CDH15: variants seen among roughly 807,000 people sequenced by gnomAD.
The protein encoded by CDH15 is cadherin-15.
A neutral mutation model predicts 69.4 loss-of-function variants in CDH15; 73 were observed. The observed-to-expected ratio is 1.05, with a 90% CI of 0.87 to 1.28. The LOEUF is 1.28. CDH15 is among the 50% of genes most tolerant of loss of function. The pLI is 0.00. For missense variants in CDH15, 1,343 were observed against 1,133.6 expected (o/e 1.18, Z -2.65); for synonymous variants, 624 against 507.7 (o/e 1.23, Z -3.08).
At chr16:89,184,550 G>A (rs929432515) in intron 4 of CDH15, among the ~76,000 whole-genome samples, 1 of 152,220 alleles carries the variant, frequency 6.6e-6, no homozygotes, top group Admixed American at 6.5e-5. Flanking sequence ...CAGTCACAGT[G>A]CGCGTCCTCT....
In CDH15 at chr16:89,187,465, G is replaced by T; in HGVS notation, c.700G>T (p.Asp234Tyr). 6.2e-7 allele frequency: 1 copy of T among 1,613,500 alleles called. No individual in the cohort carries two copies. The highest frequency in any genetic ancestry group is 8.5e-7 in the Non-Finnish European group (1 of 1,180,028). Residue 234 changes from aspartate to tyrosine, a missense_variant, in exon 6 of 14, where the codon GAC becomes TAC. Transcript: ENST00000289746. ...GTACAATCTGACCCTGCAGGTGGCG[G>T]ACATGTCTGGAGACGGCCTCACAGC... Reference protein sequence around the residue: ...AVYNLTLQVADMSGDGLTATA... With the variant: ...AVYNLTLQVAYMSGDGLTATA...
intron 3 of CDH15, 155 bp from the exon 4 acceptor site, chr16:89,183,393 G>C (rs1915417701): frequency 1.2e-6 from 1 of 820,784 alleles, no homozygotes; most frequent in Non-Finnish European, 1.9e-6. Flanking sequence ...CAGTCACTGT[G>C]ACAGATGCCC....
intron 5 of CDH15, chr16:89,185,747 G>A: frequency 3.3e-6 from 1 of 299,002 alleles, no homozygotes. Flanking sequence ...TGGTTACACT[G>A]TTACGTGGTC....
chr16:89,172,678 G>A (rs182835605), intron 1 of CDH15, among the ~76,000 whole-genome samples: 28 of 152,336 alleles, frequency 1.8e-4, no homozygotes, highest in African/African-American at 5.5e-4. Flanking sequence ...CATGGGTACT[G>A]CCTAGCTGGA....
rs1233981020 is a variant in CDH15 at position 89,171,777 on chromosome 16, G to A, written c.-55G>A. 1.3e-6 allele frequency: 2 copies of A among 1,527,406 alleles called. No homozygotes were observed. The highest frequency in any genetic ancestry group is 8.8e-7 in the Non-Finnish European group (1 of 1,136,096). 94.6% of individuals were successfully genotyped at this position (1,527,406 alleles called of 1,614,324 possible). ...CGCACTTGCGCTGTCACTCAGCCTG[G>A]ACGCGCTTCTTCGGGTCGCGGGTGC... On this transcript the variant is annotated 5_prime_UTR_variant, in exon 1 of 14. Transcript: ENST00000289746.
chr16:89,191,673 C>T lies in CDH15; in HGVS notation c.1394C>T (p.Ala465Val), dbSNP rs1455227469. The stretch of plus-strand genomic sequence containing the variant: ...CCTGCAGCCTCCCAGCCCCGCACCG[C>T]CACCGGCACCCTGTCCATCGAGATC... Reference protein sequence around the residue: ...AQDDASQPRTATGTLSIEILE... With the variant: ...AQDDASQPRTVTGTLSIEILE... Residue 465 changes from alanine (A) to valine (V), a missense_variant, in exon 10 of 14, where the codon GCC becomes GTC. By Grantham distance (64) the Ala-to-Val change is moderately conservative. Transcript: ENST00000289746. 2 of 1,595,554 alleles carry T rather than the reference C, an allele frequency of 1.3e-6. No individual in the cohort carries two copies. Among genetic ancestry groups the T allele is most frequent in the Non-Finnish European group, 1.7e-6 (2 of 1,175,770 alleles).
intron 1 of CDH15, among the ~76,000 whole-genome samples, chr16:89,176,556 G>A (rs1399673261): frequency 1.3e-5 from 2 of 152,216 alleles, no homozygotes; most frequent in African/African-American, 4.8e-5. Flanking sequence ...CTCGCACAAT[G>A]TGGGGAGCTG....
At chr16:89,188,639 T>C (rs142355533) in intron 7 of CDH15, among the ~76,000 whole-genome samples, 796 of 26,584 alleles carry the variant, frequency 0.03, 26 homozygotes, top group East Asian at 0.23. Context: ...CAGATGCCCA[T>C]GCACAGATGC....
In CDH15 at chr16:89,192,448, A is replaced by T; in HGVS notation, c.1855+4A>T. ...GCCAGCGCCCTCCTGCTGCTGGGTG[A>T]GTGAGCGCCCCGCCTCCACCTGGAC... On this transcript the variant is annotated splice_donor_region_variant and intron_variant, in intron 11 of 13. Transcript: ENST00000289746. The T allele has an allele frequency of 6.4e-7, 1 of 1,561,744 alleles. No individual in the cohort carries two copies. The highest frequency in any genetic ancestry group is 1.8e-5 in the Admixed American group (1 of 55,316).
chr16:89,180,747 G>T (rs1265176976), intron 3 of CDH15, among the ~76,000 whole-genome samples: 1 of 152,036 alleles, frequency 6.6e-6, no homozygotes, highest in African/African-American at 2.4e-5. Context: ...TTTTTGAGAT[G>T]GAGTCTCGCT....
At chr16:89,184,566 G>A (rs1257452194) in intron 4 of CDH15, among the ~76,000 whole-genome samples, 2 of 152,218 alleles carry the variant, frequency 1.3e-5, no homozygotes, top group Non-Finnish European at 2.9e-5. Flanking sequence ...CCTCTGCTCG[G>A]CTGTCGTGTG....
intron 11 of CDH15, 84 bp from the exon 12 acceptor site, chr16:89,193,386 C>T: frequency 9.4e-7 from 1 of 1,064,096 alleles, no homozygotes. Flanking sequence ...CCCGCCCCGC[C>T]CCCTCCTCCC....
rs375101546 is a variant in CDH15 at position 89,191,916 on chromosome 16, G to T, written c.1615+22G>T. On this transcript the variant is annotated intron_variant, in intron 10 of 13. Coordinates refer to ENST00000289746, the MANE Select transcript of CDH15 (RefSeq NM_004933.3). Reference sequence around the variant, plus strand: ...AACGGTGCGCTCCCCTCACCGCCGCGCTCCCCCCATCCCCACGCTCCCCCC... The same window carrying T: ...AACGGTGCGCTCCCCTCACCGCCGCTCTCCCCCCATCCCCACGCTCCCCCC... 106 of 1,530,832 alleles carry T rather than the reference G, an allele frequency of 6.9e-5. 1 individual carries two copies. In the African/African-American group the frequency reaches 1.3e-3, roughly 18 times the overall value. 94.8% of individuals were successfully genotyped at this position (1,530,832 alleles called of 1,614,324 possible). A position where few individuals can be genotyped will look rare whatever the true frequency, so the allele number is the denominator to read the frequency against.
In CDH15 at chr16:89,187,516, G is replaced by A; in HGVS notation, c.751G>A (p.Asp251Asn). ...TATASAIITL[D>N]DINDNAPEFT... is the part of the protein sequence containing the mutation. ...CACTGCCTCAGCCATCATCACCCTT[G>A]ATGACATCAATGACAATGCCCCCGA... Residue 251 changes from aspartate (D) to asparagine (N), a missense_variant, in exon 6 of 14, where the codon GAT becomes AAT. Asp to Asn is a conservative substitution (Grantham distance 23, BLOSUM62 1). Coordinates refer to ENST00000289746, the MANE Select transcript of CDH15 (RefSeq NM_004933.3). The A allele has an allele frequency of 3.7e-6, 6 of 1,613,748 alleles. No homozygotes were observed. In the South Asian group the frequency reaches 6.6e-5, roughly 18 times the overall value.
At position 89,194,927 on chromosome 16, in the gene CDH15, C is replaced by T. The variant is rs752856644; in HGVS notation, c.2217C>T (p.Tyr739=). Residue 739 remains tyrosine, a synonymous_variant, in exon 14 of 14, where the codon TAC becomes TAT. Coordinates refer to ENST00000289746, the MANE Select transcript of CDH15 (RefSeq NM_004933.3). ...ACGACACAGCCCTCATCTATGACTA[C>T]GAGGGTGACGGCTCGGTGGCGGGGA... ...PPYDTALIYD[Y]EGDGSVAGTL... 3.1e-6 allele frequency: 5 copies of T among 1,608,436 alleles called. No homozygotes were observed. The highest frequency in any genetic ancestry group is 4.2e-6 in the Non-Finnish European group (5 of 1,177,750).
At chr16:89,188,802 A>G (rs1295348935) in intron 7 of CDH15, among the ~76,000 whole-genome samples, 15 of 143,942 alleles carry the variant, frequency 1.0e-4, no homozygotes, top group African/African-American at 3.9e-4. Context: ...ACAGGTGCCC[A>G]CACACATGCT....
In CDH15 at chr16:89,195,421, C is replaced by A; in HGVS notation, c.*266C>A. On this transcript the variant is annotated 3_prime_UTR_variant, in exon 14 of 14. Transcript: ENST00000289746. ...CCACCTTTGCCTCCTACCAGTGAACCTCATCTTTGTATGAAAGACAGCAAC... is the reference window on the plus strand; with the variant it reads ...CCACCTTTGCCTCCTACCAGTGAACATCATCTTTGTATGAAAGACAGCAAC... 1.9e-6 allele frequency: 1 copy of A among 517,450 alleles called. No homozygotes were observed. The highest frequency in any genetic ancestry group is 3.4e-6 in the Non-Finnish European group (1 of 291,346). 32.1% of individuals were successfully genotyped at this position (517,450 alleles called of 1,614,324 possible). A position where few individuals can be genotyped will look rare whatever the true frequency, so the allele number is the denominator to read the frequency against.
At chr16:89,178,124 A>G (rs1915297196) in intron 1 of CDH15, among the ~76,000 whole-genome samples, 1 of 152,176 alleles carries the variant, frequency 6.6e-6, no homozygotes, top group Non-Finnish European at 1.5e-5. Context: ...TCCCTTCTCT[A>G]GGCCTCAGTT....
rs756203857 is a variant in CDH15, at chr16:89,191,321, C to G, written c.1233-9C>G. 2 of 1,612,776 alleles carry G rather than the reference C, an allele frequency of 1.2e-6. No homozygotes were observed. Among genetic ancestry groups the G allele is most frequent in the Non-Finnish European group, 1.7e-6 (2 of 1,179,996 alleles). On this transcript the variant is annotated splice_polypyrimidine_tract_variant and intron_variant, in intron 8 of 13. Transcript: ENST00000289746. ...ACTCAGATCCCACTCTTCCCCTCCCCTGCATCAGCTACTCCAAGGACTACG... is the reference window on the plus strand; with the variant it reads ...ACTCAGATCCCACTCTTCCCCTCCCGTGCATCAGCTACTCCAAGGACTACG...
Sources: gnomAD v4.1 joint callset for allele counts (sites outside exome capture counted in the v4.1 genomes callset) on GRCh38, gnomAD v4.1.1 for gene constraint, MANE v1.5 for transcripts, NCBI Gene and HGNC (gene_info 2026-07-23, HGNC 2026-07-21) for gene names.